IL12RB2: variants seen among roughly 807,000 people sequenced by gnomAD.
The protein encoded by IL12RB2 is interleukin-12 receptor subunit beta-2.
Under a neutral mutation model 89.4 loss-of-function variants are expected in IL12RB2, and 82 were observed. The ratio of observed to expected loss-of-function variants is 0.92; its 90% CI spans 0.77 to 1.10. The LOEUF (loss-of-function observed/expected upper bound fraction) is 1.10. IL12RB2 is among the 50% of genes least tolerant of loss of function. The pLI is 0.00. For synonymous variants in IL12RB2, 368 were observed against 370.1 expected, an observed-to-expected ratio of 0.99 and a Z score of 0.07; for missense variants, 963 against 1,031.9, an observed-to-expected ratio of 0.93 and a Z score of 0.92.
rs1298620687 is a variant in IL12RB2 at position 67,363,208 on chromosome 1, CTTA to C, written c.1259-4614_1259-4612del. 1.3e-3 allele frequency among the ~76,000 whole-genome samples: 153 copies of C among 122,120 alleles called. No individual in the cohort carries two copies. The East Asian group carries it at 0.029, about 23-fold the overall frequency. The allele number at this position is 122,120 out of a possible 152,430, so 80.1% of individuals were successfully genotyped here. On this transcript the variant is annotated intron_variant, in intron 10 of 16. Coordinates refer to ENST00000674203, the MANE Select transcript of IL12RB2 (RefSeq NM_001374259.2). ...GAGCCACTGTGCCTGGCCAATTATT[CTTA>C]TTTTTTTTTTTTTTTTTTTTTTGAG...
chr1:67,395,213 A>G (rs1369657981), intron 16 of IL12RB2, among the ~76,000 whole-genome samples: 2 of 151,844 alleles, frequency 1.3e-5, no homozygotes, highest in African/African-American at 4.8e-5. Flanking sequence ...GGTTACAGGG[A>G]GCCAAGATCA....
chr1:67,364,444 T>C (rs924830819), intron 10 of IL12RB2, among the ~76,000 whole-genome samples: 1 of 152,024 alleles, frequency 6.6e-6, no homozygotes, highest in Non-Finnish European at 1.5e-5. Context: ...TGTAAAGAGA[T>C]AGAGAAAGAT....
chr1:67,338,536 A>G (rs1659138532), intron 8 of IL12RB2, 88 bp from the exon 9 acceptor site: 2 of 760,748 alleles, frequency 2.6e-6, no homozygotes, highest in East Asian at 5.0e-5. Context: ...CTCTAATTCT[A>G]CTCTTCCAGA....
intron 13 of IL12RB2, among the ~76,000 whole-genome samples, chr1:67,374,969 G>C (rs142732966): frequency 6.6e-6 from 1 of 152,112 alleles, no homozygotes; most frequent in East Asian, 1.9e-4. Flanking sequence ...AGGGGAGGGA[G>C]AGTGCAGATT....
chr1:67,360,802 A>AT (rs1357597681), intron 10 of IL12RB2, among the ~76,000 whole-genome samples: 3 of 152,156 alleles, frequency 2.0e-5, no homozygotes, highest in Admixed American at 6.5e-5. Context: ...TCTCAAAAAA[A>AT]AAAAAAAATA....
chr1:67,322,008 A>T (rs17129778), intron 4 of IL12RB2, 119 bp downstream of exon 4: 137,707 of 880,290 alleles, frequency 0.16, 11,931 homozygotes, highest in Middle Eastern at 0.24. Context: ...TTCCCACCAC[A>T]TTGAAGTATT....
At chr1:67,362,691 C>T (rs1051956638) in intron 10 of IL12RB2, among the ~76,000 whole-genome samples, 7 of 150,620 alleles carry the variant, frequency 4.6e-5, no homozygotes, top group Admixed American at 1.3e-4. Flanking sequence ...GCAGTCTATA[C>T]GCTGTGAAAT....
intron 7 of IL12RB2, 29 bp downstream of exon 7, chr1:67,329,758 C>T (rs1396832179): frequency 1.3e-6 from 2 of 1,509,436 alleles, no homozygotes; most frequent in Non-Finnish European, 1.8e-6. Flanking sequence ...AAGGAAAAAA[C>T]ACTGAAGCAT....
chr1:67,354,639 A>C (rs1661189421), intron 10 of IL12RB2, among the ~76,000 whole-genome samples: 1 of 152,180 alleles, frequency 6.6e-6, no homozygotes, highest in Admixed American at 6.5e-5. Flanking sequence ...ATTCAACACA[A>C]GTAGTTGTGT....
chr1:67,346,056 G>T (rs1389720206), intron 9 of IL12RB2, among the ~76,000 whole-genome samples: 1 of 152,156 alleles, frequency 6.6e-6, no homozygotes, highest in East Asian at 1.9e-4. Flanking sequence ...ACACTGGGGA[G>T]TATCTAGGAA....
intron 11 of IL12RB2, 96 bp from the exon 12 acceptor site, chr1:67,372,339 AC>A: frequency 1.3e-6 from 1 of 786,212 alleles, no homozygotes; most frequent in African/African-American, 1.7e-5. Context: ...AAGGCAAGAA[AC>A]ACCTTGAAAG....
chr1:67,352,137 G>GA (rs755133337), intron 10 of IL12RB2, among the ~76,000 whole-genome samples: 37 of 152,246 alleles, frequency 2.4e-4, no homozygotes, highest in Non-Finnish European at 4.3e-4. Flanking sequence ...ATACTTAGAA[G>GA]AAAATACAGG....
chr1:67,347,396 A>T (rs1660357415), intron 9 of IL12RB2, among the ~76,000 whole-genome samples: 1 of 152,190 alleles, frequency 6.6e-6, no homozygotes, highest in Non-Finnish European at 1.5e-5. Context: ...TCTTAAGAAG[A>T]CATGATTTAT....
chr1:67,355,845 C>T (rs1268673304), intron 10 of IL12RB2, among the ~76,000 whole-genome samples: 1 of 152,192 alleles, frequency 6.6e-6, no homozygotes, highest in African/African-American at 2.4e-5. Flanking sequence ...CCCCAGCAAA[C>T]ATCATGAGAG....
intron 14 of IL12RB2, among the ~76,000 whole-genome samples, chr1:67,384,816 C>T (rs187342467): frequency 1.4e-4 from 21 of 152,288 alleles, no homozygotes; most frequent in African/African-American, 5.1e-4. Context: ...ACTCCAGTTC[C>T]CAACAAGTTC....
intron 14 of IL12RB2, among the ~76,000 whole-genome samples, chr1:67,383,911 C>T (rs1225698790): frequency 6.6e-6 from 1 of 152,248 alleles, no homozygotes; most frequent in Non-Finnish European, 1.5e-5. Context: ...GGTGGGCTCC[C>T]ACAGCCTTGG....
At chr1:67,344,793 C>T (rs1660033823) in intron 9 of IL12RB2, among the ~76,000 whole-genome samples, 1 of 152,160 alleles carries the variant, frequency 6.6e-6, no homozygotes, top group East Asian at 1.9e-4. Context: ...CTCGGACTAG[C>T]CATGTTTCAA....
intron 5 of IL12RB2, 116 bp from the exon 6 acceptor site, chr1:67,328,084 T>C: frequency 3.7e-6 from 3 of 808,682 alleles, no homozygotes; most frequent in Non-Finnish European, 6.5e-6. Flanking sequence ...AGTCATAAGA[T>C]TGACCTTTAA....
chr1:67,344,281 A>G (rs1275505891), intron 9 of IL12RB2, among the ~76,000 whole-genome samples: 1 of 152,160 alleles, frequency 6.6e-6, no homozygotes, highest in African/African-American at 2.4e-5. Context: ...AAACAGGTGA[A>G]ATTAATTTTA....
Sources: gnomAD v4.1 joint callset for allele counts (sites outside exome capture counted in the v4.1 genomes callset) on GRCh38, gnomAD v4.1.1 for gene constraint, MANE v1.5 for transcripts, NCBI Gene and HGNC (gene_info 2026-07-23, HGNC 2026-07-21) for gene names.